Variants in DEPDC1B observed in about 807,000 individuals in gnomAD.
DEPDC1B encodes DEP domain containing 1B, also known as DEP domain-containing protein 1B.
Under a neutral mutation model 66.5 loss-of-function variants are expected in DEPDC1B, and 51 were observed. The ratio of observed to expected loss-of-function variants is 0.77; its 90% CI spans 0.61 to 0.97. The LOEUF (loss-of-function observed/expected upper bound fraction) is 0.97. DEPDC1B is among the 50% of genes least tolerant of loss of function. The probability of loss-of-function intolerance (pLI) is 0.00; values close to 1 mark genes in which losing one functional copy is unlikely to be tolerated. For synonymous variants in DEPDC1B, 226 were observed against 223.6 expected, an observed-to-expected ratio of 1.01 and a Z score of -0.10; for missense variants, 552 against 637.1, an observed-to-expected ratio of 0.87 and a Z score of 1.44.
At chr5:60,646,941 C>T (rs1252814347) in intron 3 of DEPDC1B, among the ~76,000 whole-genome samples, 1 of 152,082 alleles carries the variant, frequency 6.6e-6, no homozygotes, top group Non-Finnish European at 1.5e-5. Context: ...CAGATGGGAC[C>T]ATCTAGTTAC....
chr5:60,678,454 A>G (rs904842812), intron 2 of DEPDC1B, among the ~76,000 whole-genome samples: 8 of 152,206 alleles, frequency 5.3e-5, no homozygotes, highest in African/African-American at 1.7e-4. Flanking sequence ...TCATATAGTC[A>G]ATGTACTTAT....
At chr5:60,624,612 G>T (rs113409409) in intron 7 of DEPDC1B, among the ~76,000 whole-genome samples, 1,889 of 152,208 alleles carry the variant, frequency 0.012, 15 homozygotes, top group Non-Finnish European at 0.021. Flanking sequence ...TAAGCCATCT[G>T]GACCTGGAGT....
At chr5:60,664,866 G>A (rs971307335) in intron 2 of DEPDC1B, among the ~76,000 whole-genome samples, 2 of 152,158 alleles carry the variant, frequency 1.3e-5, no homozygotes, top group African/African-American at 4.8e-5. Context: ...ACAATATGGA[G>A]AGAAAGGGAA....
intron 7 of DEPDC1B, among the ~76,000 whole-genome samples, chr5:60,624,379 C>T (rs929115784): frequency 6.6e-6 from 1 of 152,132 alleles, no homozygotes; most frequent in Non-Finnish European, 1.5e-5. Context: ...TTTTTATCTA[C>T]TGCTGCATTC....
intron 2 of DEPDC1B, among the ~76,000 whole-genome samples, chr5:60,674,646 A>G (rs1584092274): frequency 1.3e-5 from 2 of 152,336 alleles, no homozygotes; most frequent in African/African-American, 4.8e-5. Flanking sequence ...TGTTGCAGTC[A>G]CAAACACATA....
At chr5:60,689,403 A>G (rs904211307) in intron 1 of DEPDC1B, among the ~76,000 whole-genome samples, 2 of 152,170 alleles carry the variant, frequency 1.3e-5, no homozygotes. Context: ...TTGTGTCCCC[A>G]TTGTGTCTTT....
chr5:60,654,817 C>A (rs1753539905), intron 2 of DEPDC1B, among the ~76,000 whole-genome samples: 1 of 148,816 alleles, frequency 6.7e-6, no homozygotes, highest in Non-Finnish European at 1.5e-5. Flanking sequence ...GCTGATTTTG[C>A]TGAAGATTTC....
At chr5:60,625,190 G>T (rs1752785503) in intron 7 of DEPDC1B, among the ~76,000 whole-genome samples, 1 of 152,120 alleles carries the variant, frequency 6.6e-6, no homozygotes, top group Admixed American at 6.6e-5. Context: ...ATTGTGAACA[G>T]TGCCGCAATA....
At chr5:60,642,390 A>G (rs985415583) in intron 6 of DEPDC1B, among the ~76,000 whole-genome samples, 40 of 152,228 alleles carry the variant, frequency 2.6e-4, no homozygotes, top group African/African-American at 9.2e-4. Context: ...ATGATATTCA[A>G]TGATATGGAA....
chr5:60,661,943 C>T (rs1324249237), intron 2 of DEPDC1B, among the ~76,000 whole-genome samples: 1 of 152,092 alleles, frequency 6.6e-6, no homozygotes, highest in Non-Finnish European at 1.5e-5. Context: ...ATGATGTCCA[C>T]CATAATACAG....
chr5:60,670,954 C>T (rs1400625742), intron 2 of DEPDC1B, among the ~76,000 whole-genome samples: 3 of 152,130 alleles, frequency 2.0e-5, no homozygotes, highest in East Asian at 1.9e-4. Context: ...TTTACACAAT[C>T]GGGGCAGGGA....
intron 7 of DEPDC1B, among the ~76,000 whole-genome samples, chr5:60,636,677 C>T (rs979404131): frequency 1.3e-5 from 2 of 151,960 alleles, no homozygotes; most frequent in Non-Finnish European, 2.9e-5. Flanking sequence ...ATCTAGAAGG[C>T]CTTCTTCTTT....
At chr5:60,684,223 A>G (rs1754360418) in intron 2 of DEPDC1B, among the ~76,000 whole-genome samples, 1 of 152,154 alleles carries the variant, frequency 6.6e-6, no homozygotes, top group Non-Finnish European at 1.5e-5. Flanking sequence ...ATTACAAATG[A>G]CATTCTAGAG....
chr5:60,615,237 G>T (rs1011331341), intron 7 of DEPDC1B, among the ~76,000 whole-genome samples: 1 of 152,164 alleles, frequency 6.6e-6, no homozygotes, highest in Non-Finnish European at 1.5e-5. Context: ...GAAGACGGGT[G>T]ATTTCTGCAT....
At chr5:60,694,923 C>G (rs765170131) in intron 1 of DEPDC1B, among the ~76,000 whole-genome samples, 27 of 152,096 alleles carry the variant, frequency 1.8e-4, no homozygotes, top group Non-Finnish European at 3.7e-4. Context: ...TAGTCTCTAG[C>G]TATACAATGA....
chr5:60,603,846 T>TATATAC (rs1491589366), intron 8 of DEPDC1B, among the ~76,000 whole-genome samples: 7 of 134,326 alleles, frequency 5.2e-5, no homozygotes, highest in African/African-American at 1.6e-4. Flanking sequence ...TATATATATA[T>TATATAC]ACACACACAT....
intron 7 of DEPDC1B, among the ~76,000 whole-genome samples, chr5:60,611,194 A>T (rs1752408071): frequency 6.6e-6 from 1 of 152,208 alleles, no homozygotes; most frequent in Non-Finnish European, 1.5e-5. Flanking sequence ...ACCTATGATC[A>T]ATAAGTAATC....
chr5:60,617,444 T>C (rs114883796), intron 7 of DEPDC1B, among the ~76,000 whole-genome samples: 2,980 of 152,140 alleles, frequency 0.02, 114 homozygotes, highest in African/African-American at 0.067. Flanking sequence ...TGGAGGAAGA[T>C]CTGCGAAGCA....
chr5:60,678,530 A>T (rs1034744540), intron 2 of DEPDC1B, among the ~76,000 whole-genome samples: 16 of 152,244 alleles, frequency 1.1e-4, no homozygotes, highest in African/African-American at 3.6e-4. Context: ...GCAATGTATA[A>T]GATTTCCAGT....
Sources: allele counts gnomAD v4.1 joint callset (sites outside exome capture counted in the v4.1 genomes callset), GRCh38; gene constraint gnomAD v4.1.1; transcripts MANE v1.5; gene names NCBI Gene and HGNC (gene_info 2026-07-23, HGNC 2026-07-21).